The following SLC24A3 variants were observed in gnomAD, a reference collection of about 807,000 sequenced individuals.
SLC24A3 encodes solute carrier family 24 member 3.
SLC24A3 carries 28 observed loss-of-function variants against 75.8 expected under a neutral mutation model. That is an observed-to-expected ratio of 0.37 (90% CI 0.27 to 0.51). The LOEUF is 0.51. Among genes scored for constraint, SLC24A3 ranks in the 20% least tolerant of loss-of-function variants. The pLI is 0.94. For missense variants in SLC24A3, 663 were observed against 847.8 expected, an observed-to-expected ratio of 0.78 and a Z score of 2.71; for synonymous variants, 372 against 334.1, an observed-to-expected ratio of 1.11 and a Z score of -1.24.
Position 19,698,576 on chromosome 20 carries a change from G to A in SLC24A3, c.1615G>A (p.Asp539Asn). ...SLIVARQGMG[D>N]MAVSNSIGSN... is the part of the protein sequence containing the mutation. ...ACCTCTTGTCCCTGCAGGGATGGGG[G>A]ACATGGCTGTGTCCAACTCCATTGG... The change falls in exon 15 of 17, where the codon GAC becomes AAC. Residue 539 changes from aspartate to asparagine, a missense_variant. Asp to Asn is a conservative substitution (Grantham distance 23). Transcript: ENST00000328041. The A allele has an allele frequency of 6.3e-7, 1 of 1,581,400 alleles. No homozygotes were observed. The highest frequency in any genetic ancestry group is 8.6e-7 in the Non-Finnish European group (1 of 1,161,400).
chr20:19,633,889 A>G (rs1380357479), intron 6 of SLC24A3, among the ~76,000 whole-genome samples: 1 of 152,160 alleles, frequency 6.6e-6, no homozygotes, highest in East Asian at 1.9e-4. Flanking sequence ...CATGCAGAGG[A>G]AAGTCCCTAG....
chr20:19,556,502 T>G (rs2030786001), intron 3 of SLC24A3, among the ~76,000 whole-genome samples: 1 of 147,592 alleles, frequency 6.8e-6, no homozygotes, highest in Non-Finnish European at 1.5e-5. Context: ...AAACCCTAAA[T>G]AATTATGCTG....
intron 8 of SLC24A3, among the ~76,000 whole-genome samples, chr20:19,668,246 G>A (rs142952136): frequency 6.6e-4 from 100 of 152,266 alleles, no homozygotes; most frequent in Admixed American, 1.8e-3. Context: ...TGGGACTCCC[G>A]GGGATTTCAA....
intron 15 of SLC24A3, among the ~76,000 whole-genome samples, chr20:19,713,559 A>G (rs74466350): frequency 6.6e-6 from 1 of 152,152 alleles, no homozygotes; most frequent in Admixed American, 6.6e-5. Flanking sequence ...GTTACGTTTT[A>G]AGCACGTGGT....
At position 19,212,876 on chromosome 20, in the gene SLC24A3, C is replaced by G; in HGVS notation, c.34C>G (p.Arg12Gly). ...GTCCGGCGACGAGGACCGCGCGCGT[C>G]GCCGCCGCCGCCGCCGCCGCCGGAG... is the stretch of plus-strand genomic sequence containing the variant. Reference protein sequence around the residue: ...RPSGDEDRARRRRRRRRRRDL... With the variant: ...RPSGDEDRARGRRRRRRRRDL... Residue 12 changes from arginine (R) to glycine (G), a missense_variant, in exon 1 of 17, where the codon CGC becomes GGC. Coordinates refer to ENST00000328041, the MANE Select transcript of SLC24A3 (RefSeq NM_020689.4). The G allele has an allele frequency of 8.2e-7, 1 of 1,219,052 alleles. No individual in the cohort carries two copies. Among genetic ancestry groups the G allele is most frequent in the Non-Finnish European group, 1.0e-6 (1 of 972,988 alleles). 75.5% of individuals were successfully genotyped at this position (1,219,052 alleles called of 1,614,324 possible).
At chr20:19,522,924 A>C (rs980578583) in intron 3 of SLC24A3, among the ~76,000 whole-genome samples, 4 of 152,234 alleles carry the variant, frequency 2.6e-5, no homozygotes, top group African/African-American at 9.6e-5. Context: ...ATTTGTGATG[A>C]AAACATTTAA....
At chr20:19,606,280 G>T (rs942829540) in intron 6 of SLC24A3, among the ~76,000 whole-genome samples, 1 of 152,196 alleles carries the variant, frequency 6.6e-6, no homozygotes, top group Non-Finnish European at 1.5e-5. Flanking sequence ...AGTGCTAGAG[G>T]CTTCCAATAT....
intron 3 of SLC24A3, 105 bp downstream of exon 3, chr20:19,515,669 T>G: frequency 2.7e-6 from 3 of 1,105,828 alleles, no homozygotes; most frequent in Non-Finnish European, 2.7e-6. Context: ...TGCCCTCCTG[T>G]TCCCACGCTG....
At chr20:19,592,891 GTTT>G (rs2031399401) in intron 6 of SLC24A3, among the ~76,000 whole-genome samples, 1 of 145,768 alleles carries the variant, frequency 6.9e-6, no homozygotes, top group African/African-American at 2.5e-5. Context: ...CACCTCCCAA[GTTT>G]AAGCGATTCT....
At chr20:19,618,965 G>A (rs901606156) in intron 6 of SLC24A3, among the ~76,000 whole-genome samples, 5 of 152,096 alleles carry the variant, frequency 3.3e-5, no homozygotes, top group Non-Finnish European at 5.9e-5. Flanking sequence ...GTAAAACCAC[G>A]GCAGGGTGAA....
intron 2 of SLC24A3, among the ~76,000 whole-genome samples, chr20:19,310,132 C>T (rs951529092): frequency 6.6e-6 from 1 of 152,190 alleles, no homozygotes; most frequent in African/African-American, 2.4e-5. Flanking sequence ...GGTGTCATGA[C>T]ATCTAATAAC....
rs900906890 is a variant in SLC24A3, at chr20:19,292,595, T to C, written c.271+11508T>C. 3.9e-5 allele frequency among the ~76,000 whole-genome samples: 6 copies of C among 152,210 alleles called. No homozygotes were observed. The East Asian group carries it at 9.7e-4, about 25-fold the overall frequency. Reference sequence around the variant, plus strand: ...AAATTTATAGAAAAATCACGGATGATGGGGATTTTGGTCTGTAGGCCGAGT... The same window carrying C: ...AAATTTATAGAAAAATCACGGATGACGGGGATTTTGGTCTGTAGGCCGAGT... On this transcript the variant is annotated intron_variant, in intron 2 of 16. Coordinates refer to ENST00000328041, the MANE Select transcript of SLC24A3 (RefSeq NM_020689.4).
intron 6 of SLC24A3, among the ~76,000 whole-genome samples, chr20:19,629,931 A>G (rs1183385918): frequency 1.3e-5 from 2 of 152,246 alleles, no homozygotes; most frequent in Non-Finnish European, 2.9e-5. Flanking sequence ...AAAGGATTCT[A>G]GAAAGCCAAA....
At chr20:19,662,601 A>C (rs2032340383) in intron 7 of SLC24A3, among the ~76,000 whole-genome samples, 1 of 152,242 alleles carries the variant, frequency 6.6e-6, no homozygotes, top group Non-Finnish European at 1.5e-5. Context: ...CATTTGCAGG[A>C]ACTGCGGGTG....
At chr20:19,720,880 C>T (rs780427723) in intron 16 of SLC24A3, 111 bp from the exon 17 acceptor site, 22 of 1,247,850 alleles carry the variant, frequency 1.8e-5, no homozygotes, top group Middle Eastern at 2.8e-4. Flanking sequence ...AGCACCCTGC[C>T]CGAGGCCCAT....
At chr20:19,322,139 C>T (rs1456241629) in intron 2 of SLC24A3, among the ~76,000 whole-genome samples, 2 of 152,116 alleles carry the variant, frequency 1.3e-5, no homozygotes, top group Non-Finnish European at 2.9e-5. Context: ...CAGGTTGATG[C>T]TTTGTCTATG....
intron 6 of SLC24A3, among the ~76,000 whole-genome samples, chr20:19,604,662 T>G (rs1333509361): frequency 1.3e-5 from 2 of 152,150 alleles, no homozygotes; most frequent in African/African-American, 4.8e-5. Context: ...TAGCTTATTG[T>G]CATGGACCAA....
At chr20:19,341,192 A>C (rs1045525650) in intron 2 of SLC24A3, among the ~76,000 whole-genome samples, 1 of 152,240 alleles carries the variant, frequency 6.6e-6, no homozygotes, top group African/African-American at 2.4e-5. Context: ...TACCCACCAC[A>C]GTAGGCAAAC....
At chr20:19,617,133 G>A (rs575235518) in intron 6 of SLC24A3, among the ~76,000 whole-genome samples, 24 of 152,332 alleles carry the variant, frequency 1.6e-4, no homozygotes, top group South Asian at 2.1e-4. Flanking sequence ...AATCTTATGA[G>A]TCAAAGCTCA....
Sources: gnomAD v4.1 joint callset for allele counts (sites outside exome capture counted in the v4.1 genomes callset) on GRCh38, gnomAD v4.1.1 for gene constraint, MANE v1.5 for transcripts, NCBI Gene and HGNC (gene_info 2026-07-23, HGNC 2026-07-21) for gene names.